Variants in VLDLR observed in about 807,000 individuals in gnomAD.
The protein encoded by VLDLR is very low density lipoprotein receptor, also known as very low-density lipoprotein receptor.
In VLDLR, 81 loss-of-function variants were observed where a neutral mutation model predicts 112.7. The observed-to-expected ratio is 0.72, with a 90% CI of 0.60 to 0.86. The LOEUF is 0.86. VLDLR is among the 40% of genes least tolerant of loss of function. The pLI, the probability that VLDLR is intolerant of heterozygous loss-of-function variation, is 0.00. For missense variants in VLDLR, 1,237 were observed against 1,099.4 expected (o/e 1.13, Z -1.77); for synonymous variants, 436 against 384.8 (o/e 1.13, Z -1.56).
intron 15 of VLDLR, 127 bp downstream of exon 15, chr9:2,650,643 T>A: frequency 7.6e-7 from 1 of 1,322,216 alleles, no homozygotes; most frequent in Non-Finnish European, 1.1e-6. Context: ...ATATCTGCTA[T>A]TGTATGCCGG....
At chr9:2,627,883 T>G in intron 1 of VLDLR, among the ~76,000 whole-genome samples, 1 of 148,328 alleles carries the variant, frequency 6.7e-6, no homozygotes. Flanking sequence ...AAAAAAAAAA[T>G]TGCTACAAAG....
chr9:2,637,930 G>A (rs565799265), intron 2 of VLDLR, among the ~76,000 whole-genome samples: 87 of 152,058 alleles, frequency 5.7e-4, no homozygotes, highest in African/African-American at 2.0e-3. Flanking sequence ...GTGACAGAGC[G>A]AGACTCCATC....
Position 2,659,035 on chromosome 9 carries a change from T to G in VLDLR, c.*5167T>G, listed in dbSNP as rs1197434869. The G allele has an allele frequency of 6.6e-6, 1 of 152,168 alleles. No individual in the cohort carries two copies. Among genetic ancestry groups the G allele is most frequent in the Non-Finnish European group, 1.5e-5 (1 of 68,016 alleles). The allele number at this position is 152,168 out of a possible 1,614,324, so 9.4% of individuals were successfully genotyped here. On this transcript the variant is annotated 3_prime_UTR_variant, in exon 19 of 19. Transcript: ENST00000382100. Reference sequence around the variant, plus strand: ...CCTCCTAGGACATGGAAACAAATATTTGGGAGCCTGCATAGTCTTTAGATG... The same window carrying G: ...CCTCCTAGGACATGGAAACAAATATGTGGGAGCCTGCATAGTCTTTAGATG...
At chr9:2,644,153 GTTTTTTTTTTTT>G (rs59793046) in intron 7 of VLDLR, among the ~76,000 whole-genome samples, 194 bp downstream of exon 7, 1 of 96,386 alleles carries the variant, frequency 1.0e-5, no homozygotes, top group African/African-American at 4.5e-5. Flanking sequence ...TGTTTTTGTT[GTTTTTTTTTTTT>G]TTTTTTTTTT....
intron 1 of VLDLR, among the ~76,000 whole-genome samples, chr9:2,632,543 A>G (rs1343955974): frequency 1.3e-5 from 2 of 152,220 alleles, no homozygotes; most frequent in African/African-American, 4.8e-5. Context: ...ACTTTCATGG[A>G]TGGAAATAGA....
intron 7 of VLDLR, 93 bp from the exon 8 acceptor site, chr9:2,644,641 A>T (rs1371871891): frequency 6.4e-7 from 1 of 1,571,638 alleles, no homozygotes; most frequent in African/African-American, 1.4e-5. Flanking sequence ...GACCAGGCCA[A>T]CTAGATAAGT....
chr9:2,643,199 G>C lies in VLDLR; in HGVS notation c.488G>C (p.Ser163Thr). ...AGTCCCGACGAGTTCACCTGCTCCAGTGGCCGCTGCATCTCCAGGAACTTT... is the reference window on the plus strand; with the variant it reads ...AGTCCCGACGAGTTCACCTGCTCCACTGGCCGCTGCATCTCCAGGAACTTT... Reference protein sequence around the residue: ...TCSPDEFTCSSGRCISRNFVC... With the variant: ...TCSPDEFTCSTGRCISRNFVC... Residue 163 changes from serine to threonine, a missense_variant, in exon 5 of 19, where the codon AGT becomes ACT. By Grantham distance (58) the Ser-to-Thr change is moderately conservative. Coordinates refer to ENST00000382100, the MANE Select transcript of VLDLR (RefSeq NM_003383.5). 1.2e-6 allele frequency: 2 copies of C among 1,613,702 alleles called. No homozygotes were observed. Among genetic ancestry groups the C allele is most frequent in the Non-Finnish European group, 1.7e-6 (2 of 1,180,020 alleles).
At chr9:2,651,644 C>CAT (rs1818347736) in intron 16 of VLDLR, 146 bp downstream of exon 16, 1 of 906,208 alleles carries the variant, frequency 1.1e-6, no homozygotes, top group South Asian at 1.6e-5. Flanking sequence ...TTAAAACTTG[C>CAT]ATATCTTTTC....
Position 2,647,632 on chromosome 9 carries a change from C to T in VLDLR, c.1822+40C>T, listed in dbSNP as rs367883605. The T allele has an allele frequency of 9.2e-6, 14 of 1,515,278 alleles. No individual in the cohort carries two copies. In the African/African-American group the frequency reaches 1.9e-4, roughly 21 times the overall value. 93.9% of individuals were successfully genotyped at this position (1,515,278 alleles called of 1,614,324 possible). A position where few individuals can be genotyped will look rare whatever the true frequency, so the allele number is the denominator to read the frequency against. ...CCTTCTCGACCACCCACTCAACTAT[C>T]TTCATAGTGTTTCCATTTATCTCCA... On this transcript the variant is annotated intron_variant, in intron 12 of 18. Coordinates refer to ENST00000382100, the MANE Select transcript of VLDLR (RefSeq NM_003383.5).
chr9:2,650,394 T>A lies in VLDLR; in HGVS notation c.2129T>A (p.Met710Lys), dbSNP rs763686863. The A allele has an allele frequency of 2.5e-6, 4 of 1,614,086 alleles. No homozygotes were observed. In the Admixed American group the frequency reaches 6.7e-5, roughly 27 times the overall value. Residue 710 changes from methionine (M) to lysine (K), a missense_variant, in exon 15 of 19, where the codon ATG becomes AAG. By Grantham distance (95) the Met-to-Lys change is moderately conservative. Transcript: ENST00000382100. ...GGTAAAAATTGGTGTGAAGAAGACA[T>A]GGAGAATGGAGGATGTGAATACCTA... is the stretch of plus-strand genomic sequence containing the variant. ...PSGKNWCEED[M>K]ENGGCEYLCL...
At position 2,658,125 on chromosome 9, in the gene VLDLR, G is replaced by C. The variant is rs114230716; in HGVS notation, c.*4257G>C. 1.2e-3 allele frequency: 181 copies of C among 152,302 alleles called. 1 individual carries two copies. Among genetic ancestry groups the C allele is most frequent in the African/African-American group, 4.1e-3 (170 of 41,578 alleles). 9.4% of individuals were successfully genotyped at this position (152,302 alleles called of 1,614,324 possible). On this transcript the variant is annotated 3_prime_UTR_variant, in exon 19 of 19. Transcript: ENST00000382100. ...TGGAGGATTTTTAGCCGAAACAGTT[G>C]CATGTGAAGGATTATCAGCCATCTT... is the stretch of plus-strand genomic sequence containing the variant.
chr9:2,658,995 C>T lies in VLDLR; in HGVS notation c.*5127C>T, dbSNP rs1356544941. 6.6e-6 allele frequency: 1 copy of T among 152,138 alleles called. No individual in the cohort carries two copies. Among genetic ancestry groups the T allele is most frequent in the Non-Finnish European group, 1.5e-5 (1 of 68,028 alleles). 9.4% of individuals were successfully genotyped at this position (152,138 alleles called of 1,614,324 possible). On this transcript the variant is annotated 3_prime_UTR_variant, in exon 19 of 19. Coordinates refer to ENST00000382100, the MANE Select transcript of VLDLR (RefSeq NM_003383.5). ...AAACATAAATGGAATGTTTCTGCCT[C>T]AGTTCTTTTGACTACCTCCTAGGAC...
Position 2,648,792 on chromosome 9 carries a change from G to A in VLDLR, c.2086G>A (p.Glu696Lys), listed in dbSNP as rs1818184630. The A allele has an allele frequency of 6.2e-7, 1 of 1,614,138 alleles. No individual in the cohort carries two copies. The highest frequency in any genetic ancestry group is 8.5e-7 in the Non-Finnish European group (1 of 1,180,020). Residue 696 changes from glutamate to lysine, a missense_variant, in exon 14 of 19, where the codon GAA becomes AAA. Physicochemically the swap from Glu to Lys is moderately conservative, Grantham distance 56 (BLOSUM62 1). Transcript: ENST00000382100. ...NDAQDIIVYH[E>K]LVQPSGKNWC... ...TGCCCAAGACATCATTGTCTATCAT[G>A]AACTTGTACAGCCATCAGGTACCGT...
chr9:2,641,967 A>G (rs1052240771), intron 4 of VLDLR, among the ~76,000 whole-genome samples: 3 of 146,772 alleles, frequency 2.0e-5, no homozygotes, highest in Non-Finnish European at 4.4e-5. Flanking sequence ...TAACTTTCCC[A>G]GAAAAAAAAA....
intron 1 of VLDLR, among the ~76,000 whole-genome samples, chr9:2,624,637 A>T (rs968218891): frequency 1.3e-5 from 2 of 152,244 alleles, no homozygotes; most frequent in African/African-American, 4.8e-5. Context: ...TAGCCTAAGA[A>T]TAGAAAGAAA....
In VLDLR at chr9:2,645,713, C is replaced by G. The variant is rs144724569; in HGVS notation, c.1452C>G (p.Phe484Leu). The G allele has an allele frequency of 3.1e-6, 5 of 1,614,074 alleles. No individual in the cohort carries two copies. Among genetic ancestry groups the G allele is most frequent in the East Asian group, 4.5e-5 (2 of 44,892 alleles). The stretch of plus-strand genomic sequence containing the variant: ...CTGACATTGCTGCCCAGAAACTATT[C>G]TGGGCCGATCTAAGCCAAAAGGCTA... ...LDADIAAQKL[F>L]WADLSQKAIF... Residue 484 changes from phenylalanine to leucine, a missense_variant, in exon 10 of 19, where the codon TTC becomes TTG. Phe to Leu is a conservative substitution (Grantham distance 22). Coordinates refer to ENST00000382100, the MANE Select transcript of VLDLR (RefSeq NM_003383.5).
At chr9:2,636,229 G>A (rs551770974) in intron 2 of VLDLR, among the ~76,000 whole-genome samples, 2 of 152,226 alleles carry the variant, frequency 1.3e-5, no homozygotes, top group East Asian at 3.9e-4. Flanking sequence ...AGAACTGCAT[G>A]GCAAGATTAC....
At position 2,641,471 on chromosome 9, in the gene VLDLR, T is replaced by C; in HGVS notation, c.420T>C (p.Cys140=). The C allele has an allele frequency of 4.3e-6, 7 of 1,614,180 alleles. No individual in the cohort carries two copies. Among genetic ancestry groups the C allele is most frequent in the Non-Finnish European group, 5.1e-6 (6 of 1,180,034 alleles). The change falls in exon 4 of 19, where the codon TGT becomes TGC. Residue 140 remains cysteine (C), a synonymous_variant. Transcript: ENST00000382100. ...VSWRCDGEND[C]DSGEDEENCG... ...GGAGATGTGATGGTGAAAATGATTG[T>C]GACAGTGGAGAAGATGAAGAAAACT...
Position 2,643,241 on chromosome 9 carries a change from A to T in VLDLR, c.530A>T (p.Asp177Val), listed in dbSNP as rs1817904699. ...ISRNFVCNGQDDCSDGSDELD... is the reference protein window; with the variant it reads ...ISRNFVCNGQVDCSDGSDELD... ...AGGAACTTTGTATGCAATGGCCAGG[A>T]TGACTGCAGCGATGGCAGTGATGAG... Residue 177 changes from aspartate to valine, a missense_variant, in exon 5 of 19, where the codon GAT becomes GTT. Coordinates refer to ENST00000382100, the MANE Select transcript of VLDLR (RefSeq NM_003383.5). 1 of 1,614,034 alleles carries T rather than the reference A, an allele frequency of 6.2e-7. No homozygotes were observed. The highest frequency in any genetic ancestry group is 1.7e-5 in the Admixed American group (1 of 59,998).
Sources: allele counts gnomAD v4.1 joint callset (sites outside exome capture counted in the v4.1 genomes callset), GRCh38; gene constraint gnomAD v4.1.1; transcripts MANE v1.5; gene names NCBI Gene and HGNC (gene_info 2026-07-23, HGNC 2026-07-21).